Variants in RBFOX1 observed in about 807,000 individuals in gnomAD.
RBFOX1 encodes the protein RNA binding protein fox-1 homolog 1.
A neutral mutation model predicts 57.7 loss-of-function variants in RBFOX1; 8 were observed. That is an observed-to-expected ratio of 0.14 (90% CI 0.08 to 0.25). The LOEUF (loss-of-function observed/expected upper bound fraction) is 0.25, where lower values mean the gene tolerates loss of function less well. Among genes scored for constraint, RBFOX1 ranks in the 10% least tolerant of loss-of-function variants. The pLI is 1.00. For synonymous variants in RBFOX1, 326 were observed against 222.4 expected (o/e 1.47, Z -4.15); for missense variants, 611 against 548.5 (o/e 1.11, Z -1.14).
At chr16:5,769,888 C>G (rs1296857784) in intron 3 of RBFOX1, among the ~76,000 whole-genome samples, 5 of 152,070 alleles carry the variant, frequency 3.3e-5, no homozygotes, top group Non-Finnish European at 2.9e-5. Context: ...GTCATGACAA[C>G]CGTAGGAAAT....
chr16:7,572,311 G>C (rs943474495), intron 5 of RBFOX1, among the ~76,000 whole-genome samples: 1 of 152,196 alleles, frequency 6.6e-6, no homozygotes, highest in Non-Finnish European at 1.5e-5. Context: ...GAAGTGAGCA[G>C]ACTTGCAGGT....
At chr16:6,269,156 CTGCTG>C (rs985849578) in intron 1 of RBFOX1, among the ~76,000 whole-genome samples, 1 of 152,186 alleles carries the variant, frequency 6.6e-6, no homozygotes, top group Non-Finnish European at 1.5e-5. Flanking sequence ...TTTCTCTTCT[CTGCTG>C]TTTTCAAAAT....
intron 4 of RBFOX1, among the ~76,000 whole-genome samples, chr16:7,412,101 A>G (rs908429517): frequency 6.6e-6 from 1 of 152,222 alleles, no homozygotes; most frequent in East Asian, 1.9e-4. Context: ...GTGGTTCCTT[A>G]GTTGTGAACA....
chr16:5,747,708 G>A (rs2053040928), intron 3 of RBFOX1, among the ~76,000 whole-genome samples: 1 of 152,090 alleles, frequency 6.6e-6, no homozygotes, highest in South Asian at 2.1e-4. Context: ...ATTTCTGTGG[G>A]ATTCGTGGTG....
chr16:7,313,652 G>C (rs1032941828), intron 4 of RBFOX1, among the ~76,000 whole-genome samples: 5 of 151,958 alleles, frequency 3.3e-5, no homozygotes, highest in African/African-American at 1.2e-4. Flanking sequence ...TTTATGGAGT[G>C]CTTTGTGACA....
At chr16:7,604,610 A>G (rs1338498958) in intron 9 of RBFOX1, among the ~76,000 whole-genome samples, 1 of 152,192 alleles carries the variant, frequency 6.6e-6, no homozygotes, top group Admixed American at 6.5e-5. Flanking sequence ...CAGATTATAG[A>G]TACGTTTATA....
chr16:5,241,972 A>G (rs1000759086), intron 1 of RBFOX1, among the ~76,000 whole-genome samples: 6 of 151,870 alleles, frequency 4.0e-5, no homozygotes, highest in Non-Finnish European at 8.8e-5. Context: ...AATAAAAGCC[A>G]GGTATGGTGG....
At chr16:6,438,046 C>T (rs143782734) in intron 2 of RBFOX1, among the ~76,000 whole-genome samples, 6 of 152,216 alleles carry the variant, frequency 3.9e-5, no homozygotes, top group East Asian at 3.9e-4. Flanking sequence ...ATCCCAATGC[C>T]GTTCACCCTG....
At chr16:7,150,555 T>G (rs1476503697) in intron 4 of RBFOX1, among the ~76,000 whole-genome samples, 1 of 152,206 alleles carries the variant, frequency 6.6e-6, no homozygotes, top group Admixed American at 6.5e-5. Flanking sequence ...TGATCAACTC[T>G]TAACAGATAT....
rs189876594 is a variant in RBFOX1, at chr16:5,700,648, A to G, written c.318+101687A>G. Among the ~76,000 whole-genome samples, 52 of 152,308 alleles carry G rather than the reference A, an allele frequency of 3.4e-4. 1 individual carries two copies. The South Asian group carries it at 6.9e-3, about 20-fold the overall frequency. On this transcript the variant is annotated intron_variant, in intron 3 of 19. Transcript: ENST00000641259. Reference sequence around the variant, plus strand: ...CAACTCTGGAAAATTCTCCATAATGATGTCTTCAATTTCTTCAGTTCTGTT... The same window carrying G: ...CAACTCTGGAAAATTCTCCATAATGGTGTCTTCAATTTCTTCAGTTCTGTT...
intron 3 of RBFOX1, among the ~76,000 whole-genome samples, chr16:6,894,976 C>G (rs879758431): frequency 1.3e-5 from 2 of 152,118 alleles, no homozygotes; most frequent in Non-Finnish European, 2.9e-5. Context: ...CCTTCCAGAA[C>G]TAACAGAGAC....
intron 1 of RBFOX1, among the ~76,000 whole-genome samples, chr16:6,270,391 T>C (rs536307376): frequency 1.2e-4 from 18 of 148,604 alleles, no homozygotes; most frequent in Admixed American, 2.0e-4. Flanking sequence ...GGAAAAAAGA[T>C]AGAGTATGGA....
chr16:6,354,666 C>T (rs957781834), intron 2 of RBFOX1, among the ~76,000 whole-genome samples: 3 of 152,160 alleles, frequency 2.0e-5, no homozygotes, highest in Non-Finnish European at 2.9e-5. Context: ...TATTTTGCTT[C>T]CTTCCATCAC....
chr16:5,553,727 A>ATATG (rs1194613780), intron 2 of RBFOX1, among the ~76,000 whole-genome samples: 7 of 151,500 alleles, frequency 4.6e-5, no homozygotes, highest in Non-Finnish European at 1.0e-4. Context: ...ATACACATAT[A>ATATG]TATGTATATA....
chr16:6,989,894 G>A (rs910281899), intron 3 of RBFOX1, among the ~76,000 whole-genome samples: 1 of 151,962 alleles, frequency 6.6e-6, no homozygotes, highest in South Asian at 2.1e-4. Flanking sequence ...CCAGCTACTC[G>A]GGAGTCTGAG....
chr16:6,373,889 T>G (rs9935019), intron 2 of RBFOX1, among the ~76,000 whole-genome samples: 1 of 152,206 alleles, frequency 6.6e-6, no homozygotes, highest in Non-Finnish European at 1.5e-5. Flanking sequence ...TTTTGGTTCC[T>G]TTTTGTCTTT....
chr16:7,375,413 A>T (rs1207554196), intron 4 of RBFOX1, among the ~76,000 whole-genome samples: 1 of 152,224 alleles, frequency 6.6e-6, no homozygotes, highest in African/African-American at 2.4e-5. Context: ...TGGTGGTAAG[A>T]GTATAAAGAC....
chr16:6,620,109 T>C (rs542883058), intron 2 of RBFOX1, among the ~76,000 whole-genome samples: 2 of 152,318 alleles, frequency 1.3e-5, no homozygotes, highest in East Asian at 3.9e-4. Context: ...CAGTCTATCA[T>C]TGGTAGGCAT....
At chr16:6,595,090 C>G (rs537578695) in intron 2 of RBFOX1, among the ~76,000 whole-genome samples, 2 of 152,084 alleles carry the variant, frequency 1.3e-5, no homozygotes, top group African/African-American at 4.8e-5. Context: ...CCTGGCCTTC[C>G]GTGGTTTTTA....
Sources: gnomAD v4.1 joint callset for allele counts (sites outside exome capture counted in the v4.1 genomes callset) on GRCh38, gnomAD v4.1.1 for gene constraint, MANE v1.5 for transcripts, NCBI Gene and HGNC (gene_info 2026-07-23, HGNC 2026-07-21) for gene names.